UHRF2: variants seen among roughly 807,000 people sequenced by gnomAD.
UHRF2 encodes E3 ubiquitin-protein ligase UHRF2.
A neutral mutation model predicts 96.8 loss-of-function variants in UHRF2; 23 were observed. That is an observed-to-expected ratio of 0.24 (90% CI 0.17 to 0.34). The LOEUF is 0.34. Ranked by LOEUF, UHRF2 falls within the 10% of genes least tolerant of loss-of-function variation. The pLI is 1.00. For missense variants in UHRF2, 685 were observed against 981.5 expected (o/e 0.70, Z 4.04); for synonymous variants, 385 against 332.6 (o/e 1.16, Z -1.72).
intron 1 of UHRF2, among the ~76,000 whole-genome samples, chr9:6,414,425 G>A (rs1450282919): frequency 6.6e-6 from 1 of 152,162 alleles, no homozygotes; most frequent in Non-Finnish European, 1.5e-5. Flanking sequence ...CACGCTTTAA[G>A]CATAGCACTG....
chr9:6,497,311 T>C lies in UHRF2; in HGVS notation c.1718T>C (p.Ile573Thr). ...RVIRSFKGRK[I>T]SKYAPEEGNR... ...ATACGCAGTTTTAAAGGGAGGAAGA[T>C]CAGCAAATATGCTCCTGAAGAAGGC... is the stretch of plus-strand genomic sequence containing the variant. Residue 573 changes from isoleucine (I) to threonine (T), a missense_variant, in exon 11 of 16, where the codon ATC becomes ACC. Ile to Thr is a moderately conservative substitution (Grantham distance 89). This residue lies in a region of UHRF2 where 73 missense variants were observed against 283.7 expected (regional missense o/e 0.26). Transcript: ENST00000276893. 3 of 1,614,026 alleles carry C rather than the reference T, an allele frequency of 1.9e-6. No homozygotes were observed. Among genetic ancestry groups the C allele is most frequent in the Non-Finnish European group, 2.5e-6 (3 of 1,179,904 alleles).
chr9:6,425,619 TG>T (rs1820211566), intron 2 of UHRF2, among the ~76,000 whole-genome samples: 1 of 151,596 alleles, frequency 6.6e-6, no homozygotes, highest in African/African-American at 2.4e-5. Flanking sequence ...AAAAATTAGC[TG>T]GGCGTTGTGG....
In UHRF2 at chr9:6,462,962, G is replaced by T. The variant is rs146360826; in HGVS notation, c.863+2171G>T. Reference sequence around the variant, plus strand: ...GATCCTGAGGTATAGTTAAGAGTGGGAACACACTGGCTTTAGAAGTGGAAC... The same window carrying T: ...GATCCTGAGGTATAGTTAAGAGTGGTAACACACTGGCTTTAGAAGTGGAAC... On this transcript the variant is annotated intron_variant, in intron 4 of 15. Coordinates refer to ENST00000276893, the MANE Select transcript of UHRF2 (RefSeq NM_152896.3). 2.3e-4 allele frequency among the ~76,000 whole-genome samples: 35 copies of T among 151,274 alleles called. No homozygotes were observed. In the East Asian group the frequency reaches 6.9e-3, roughly 30 times the overall value.
intron 3 of UHRF2, among the ~76,000 whole-genome samples, chr9:6,444,053 A>G (rs1563760594): frequency 6.6e-6 from 1 of 152,206 alleles, no homozygotes; most frequent in Non-Finnish European, 1.5e-5. Flanking sequence ...ATATTGATGT[A>G]GTGATCTTTT....
intron 2 of UHRF2, among the ~76,000 whole-genome samples, chr9:6,425,018 A>G (rs1326147596): frequency 1.3e-5 from 2 of 152,088 alleles, no homozygotes; most frequent in African/African-American, 4.8e-5. Flanking sequence ...AACCTTAATC[A>G]TCTGGCTGGG....
At chr9:6,489,209 A>G (rs7875172) in intron 9 of UHRF2, among the ~76,000 whole-genome samples, 8,302 of 152,306 alleles carry the variant, frequency 0.055, 347 homozygotes, top group African/African-American at 0.11. Flanking sequence ...TCCACTCAGC[A>G]TGATTCTCTG....
At chr9:6,440,631 C>T (rs367825013) in intron 3 of UHRF2, among the ~76,000 whole-genome samples, 3 of 152,132 alleles carry the variant, frequency 2.0e-5, no homozygotes, top group Admixed American at 6.6e-5. Context: ...TGAGCTAAAC[C>T]GTAGGTATGT....
chr9:6,421,881 A>G (rs989661064), intron 2 of UHRF2, among the ~76,000 whole-genome samples: 2 of 152,178 alleles, frequency 1.3e-5, no homozygotes, highest in Non-Finnish European at 2.9e-5. Flanking sequence ...TGAATTTTAT[A>G]TAATGGAATT....
At chr9:6,427,954 A>C (rs1820351183) in intron 2 of UHRF2, among the ~76,000 whole-genome samples, 1 of 152,160 alleles carries the variant, frequency 6.6e-6, no homozygotes, top group Non-Finnish European at 1.5e-5. Flanking sequence ...ATTCGAACCT[A>C]AGTTCGTTTT....
intron 2 of UHRF2, among the ~76,000 whole-genome samples, chr9:6,431,485 T>C (rs1013422790): frequency 6.6e-6 from 1 of 152,028 alleles, no homozygotes; most frequent in Non-Finnish European, 1.5e-5. Context: ...ATACCTGTAG[T>C]CCTAGCTGCT....
chr9:6,496,790 C>T (rs916138994), intron 10 of UHRF2: 1 of 154,764 alleles, frequency 6.5e-6, no homozygotes, highest in Non-Finnish European at 1.4e-5. Flanking sequence ...TTTCTTTCTA[C>T]ATTATTCCAG....
intron 1 of UHRF2, among the ~76,000 whole-genome samples, chr9:6,419,533 A>C (rs1234218963): frequency 6.6e-6 from 1 of 152,196 alleles, no homozygotes; most frequent in East Asian, 1.9e-4. Context: ...TATTTGACTT[A>C]ATGTGTTTTT....
chr9:6,438,089 CA>C (rs1337110261), intron 3 of UHRF2, among the ~76,000 whole-genome samples: 1 of 151,914 alleles, frequency 6.6e-6, no homozygotes, highest in African/African-American at 2.4e-5. Context: ...GAAGAGTAGC[CA>C]AAAAAACTAA....
chr9:6,440,070 A>G (rs1167269792), intron 3 of UHRF2, among the ~76,000 whole-genome samples: 1 of 152,200 alleles, frequency 6.6e-6, no homozygotes, highest in Non-Finnish European at 1.5e-5. Context: ...TTAAGATATT[A>G]AAAGTTAAGA....
At chr9:6,472,927 TATAA>T (rs1300348656) in intron 4 of UHRF2, among the ~76,000 whole-genome samples, 2 of 152,226 alleles carry the variant, frequency 1.3e-5, no homozygotes, top group African/African-American at 4.8e-5. Flanking sequence ...TGAATTTGAA[TATAA>T]AATACTAGCA....
At position 6,506,074 on chromosome 9, in the gene UHRF2, C is replaced by T. The variant is rs1341897383; in HGVS notation, c.2304C>T (p.Cys768=). ...QRSFKAQVFS[C]PACRHDLGQN... ...CCTTTAAGGCACAGGTTTTCTCCTG[C>T]CCTGCTTGCCGGCATGATCTTGGCC... Residue 768 remains cysteine, a synonymous_variant, in exon 16 of 16, where the codon TGC becomes TGT. Transcript: ENST00000276893. 8 of 1,614,050 alleles carry T rather than the reference C, an allele frequency of 5.0e-6. No homozygotes were observed. Among genetic ancestry groups the T allele is most frequent in the South Asian group, 4.4e-5 (4 of 91,078 alleles).
chr9:6,474,054 T>C (rs942882273), intron 4 of UHRF2, among the ~76,000 whole-genome samples: 7 of 152,104 alleles, frequency 4.6e-5, no homozygotes, highest in African/African-American at 1.7e-4. Flanking sequence ...GGTAGACAAG[T>C]GACATGAAAA....
chr9:6,469,386 C>T (rs777691942), intron 4 of UHRF2, among the ~76,000 whole-genome samples: 2 of 151,866 alleles, frequency 1.3e-5, no homozygotes, highest in Non-Finnish European at 2.9e-5. Context: ...GGCGTGGTGG[C>T]AGGTGCCTGT....
chr9:6,473,986 T>C (rs991387000), intron 4 of UHRF2, among the ~76,000 whole-genome samples: 1 of 152,180 alleles, frequency 6.6e-6, no homozygotes, highest in African/African-American at 2.4e-5. Flanking sequence ...AGGAAAGAGA[T>C]GGCATGTGAA....
Sources: gnomAD v4.1 joint callset for allele counts (sites outside exome capture counted in the v4.1 genomes callset) on GRCh38, gnomAD v4.1.1 for gene constraint, gnomAD v4.1.1 regional missense constraint, MANE v1.5 for transcripts, NCBI Gene and HGNC (gene_info 2026-07-23, HGNC 2026-07-21) for gene names.